RBBP4: variants seen among roughly 807,000 people sequenced by gnomAD.
RBBP4 encodes RB binding protein 4, chromatin remodeling factor.
A neutral mutation model predicts 57.2 loss-of-function variants in RBBP4; 3 were observed. The ratio of observed to expected loss-of-function variants is 0.05; its 90% CI spans 0.02 to 0.14. The LOEUF is 0.14. Ranked by LOEUF, RBBP4 falls within the 10% of genes least tolerant of loss-of-function variation. RBBP4 has a pLI of 1.00. For missense variants in RBBP4, 107 were observed against 520.6 expected (o/e 0.21, Z 7.73); for synonymous variants, 151 against 171.5 (o/e 0.88, Z 0.93).
At chr1:32,664,734 A>G (rs1004299736) in intron 3 of RBBP4, among the ~76,000 whole-genome samples, 1 of 152,026 alleles carries the variant, frequency 6.6e-6, no homozygotes, top group Non-Finnish European at 1.5e-5. Context: ...TACAGGTGTG[A>G]GCCACCGTGC....
chr1:32,680,180 C>A lies in RBBP4; in HGVS notation c.*475C>A. On this transcript the variant is annotated 3_prime_UTR_variant, in exon 12 of 12. Coordinates refer to ENST00000373493, the MANE Select transcript of RBBP4 (RefSeq NM_005610.3). Reference sequence around the variant, plus strand: ...TCGAAAATCTTGACACCTGACTTTCCAGGATGCACATTTTCATACGTAGAC... The same window carrying A: ...TCGAAAATCTTGACACCTGACTTTCAAGGATGCACATTTTCATACGTAGAC... The A allele has an allele frequency of 9.2e-7, 1 of 1,090,144 alleles. No individual in the cohort carries two copies. The highest frequency in any genetic ancestry group is 1.1e-6 in the Non-Finnish European group (1 of 897,782). The allele number at this position is 1,090,144 out of a possible 1,614,324, so 67.5% of individuals were successfully genotyped here. A position where few individuals can be genotyped will look rare whatever the true frequency, so the allele number is the denominator to read the frequency against.
At chr1:32,658,586 G>T (rs1306397624) in intron 3 of RBBP4, among the ~76,000 whole-genome samples, 2 of 143,250 alleles carry the variant, frequency 1.4e-5, no homozygotes, top group East Asian at 4.1e-4. Context: ...TCGCTCTGCT[G>T]CCCAGGCTGG....
intron 3 of RBBP4, among the ~76,000 whole-genome samples, chr1:32,658,174 A>G (rs1648226153): frequency 1.3e-5 from 2 of 152,074 alleles, no homozygotes; most frequent in African/African-American, 2.4e-5. Flanking sequence ...CATTCTTAAC[A>G]CGGGAGATAA....
chr1:32,661,228 A>C (rs922352425), intron 3 of RBBP4, among the ~76,000 whole-genome samples: 3 of 152,022 alleles, frequency 2.0e-5, no homozygotes, highest in African/African-American at 7.2e-5. Flanking sequence ...TTTTTTGTAG[A>C]ACAATTTCTT....
chr1:32,668,909 T>C lies in RBBP4; in HGVS notation c.600+55T>C. On this transcript the variant is annotated intron_variant, in intron 5 of 11. Transcript: ENST00000373493. ...CTGGGCTAGTTACCAGTTGGTTTCT[T>C]TTTTGGGGTGTGTGGGGAGGTGAGA... 1.2e-5 allele frequency: 19 copies of C among 1,612,724 alleles called. No homozygotes were observed. In the South Asian group the frequency reaches 1.9e-4, roughly 16 times the overall value.
intron 3 of RBBP4, among the ~76,000 whole-genome samples, chr1:32,666,428 G>A (rs1044860410): frequency 6.6e-6 from 1 of 151,468 alleles, no homozygotes; most frequent in Non-Finnish European, 1.5e-5. Flanking sequence ...GCACGATCTC[G>A]GCTCACTGCA....
At chr1:32,664,140 GC>G (rs1648547233) in intron 3 of RBBP4, among the ~76,000 whole-genome samples, 1 of 152,056 alleles carries the variant, frequency 6.6e-6, no homozygotes, top group Non-Finnish European at 1.5e-5. Context: ...GTGTTAGCCA[GC>G]ATAGTCTTGA....
Position 32,668,553 on chromosome 1 carries a change from A to G in RBBP4, c.484+155A>G, listed in dbSNP as rs359954. 3,231 of 964,406 alleles carry G rather than the reference A, an allele frequency of 3.4e-3. 52 individuals are homozygous for G. In the African/African-American group the frequency reaches 0.043, roughly 13 times the overall value. The allele number at this position is 964,406 out of a possible 1,614,324, so 59.7% of individuals were successfully genotyped here. A position where few individuals can be genotyped will look rare whatever the true frequency, so the allele number is the denominator to read the frequency against. ...TTTTCTTCATTTTGCCTCCATGAAA[A>G]AATAATGCTTTTTTACATAGAACAA... On this transcript the variant is annotated intron_variant, in intron 4 of 11. Transcript: ENST00000373493.
chr1:32,655,730 CT>C (rs1297609603), intron 2 of RBBP4, among the ~76,000 whole-genome samples: 1 of 152,154 alleles, frequency 6.6e-6, no homozygotes, highest in African/African-American at 2.4e-5. Context: ...ACTTTCTCTC[CT>C]GTTGTTCCTA....
chr1:32,658,042 AG>A (rs1195445798), intron 3 of RBBP4, among the ~76,000 whole-genome samples: 1 of 152,016 alleles, frequency 6.6e-6, no homozygotes, highest in Non-Finnish European at 1.5e-5. Flanking sequence ...TAGTGGAGAC[AG>A]GGTTTCACCA....
intron 11 of RBBP4, among the ~76,000 whole-genome samples, chr1:32,674,256 C>T (rs1045146516): frequency 6.6e-6 from 1 of 152,128 alleles, no homozygotes; most frequent in Non-Finnish European, 1.5e-5. Flanking sequence ...AGGTGGAAGA[C>T]AGTTTCTTGC....
At position 32,669,913 on chromosome 1, in the gene RBBP4, C is replaced by T. The variant is rs895977605; in HGVS notation, c.966+350C>T. Among the ~76,000 whole-genome samples, 2 of 152,098 alleles carry T rather than the reference C, an allele frequency of 1.3e-5. No homozygotes were observed. The highest frequency in any genetic ancestry group is 4.8e-5 in the African/African-American group (2 of 41,426). Reference sequence around the variant, plus strand: ...CTCAAAAAAAAAGAAAAAAGAAAAACCTGGATGTATGAGTGGGCACACATG... The same window carrying T: ...CTCAAAAAAAAAGAAAAAAGAAAAATCTGGATGTATGAGTGGGCACACATG... On this transcript the variant is annotated intron_variant, in intron 8 of 11. Transcript: ENST00000373493. The surrounding 1 kb of genome is among the most constrained non-coding windows in gnomAD (Gnocchi z 4.9).
At chr1:32,663,745 T>G (rs1232577638) in intron 3 of RBBP4, among the ~76,000 whole-genome samples, 3 of 150,208 alleles carry the variant, frequency 2.0e-5, no homozygotes, top group Non-Finnish European at 3.0e-5. Flanking sequence ...CCCAGCTAAT[T>G]TTCTGTATTT....
At chr1:32,675,111 A>G (rs1351701877) in intron 11 of RBBP4, among the ~76,000 whole-genome samples, 1 of 150,452 alleles carries the variant, frequency 6.6e-6, no homozygotes, top group African/African-American at 2.5e-5. Context: ...GCTCTCTGCA[A>G]CCTCCGCCTC....
In RBBP4 at chr1:32,669,257, C is replaced by G; in HGVS notation, c.788C>G (p.Ser263Cys). 6.2e-7 allele frequency: 1 copy of G among 1,612,746 alleles called. No individual in the cohort carries two copies. The highest frequency in any genetic ancestry group is 8.5e-7 in the Non-Finnish European group (1 of 1,179,946). Residue 263 changes from serine (S) to cysteine (C), a missense_variant, in exon 7 of 12, where the codon TCC becomes TGC. Around this residue, in one of 3 missense-constraint regions of RBBP4, gnomAD observed 92 missense variants for 408.5 expected, o/e 0.23. Transcript: ENST00000373493. The surrounding 1 kb of genome is among the most constrained non-coding windows in gnomAD (Gnocchi z 4.9). The part of the protein sequence containing the change: ...MIWDTRSNNT[S>C]KPSHSVDAHT... ...TGGGATACTCGTTCAAACAATACTT[C>G]CAAACCAAGCCACTCAGTTGATGCT... is the stretch of plus-strand genomic sequence containing the variant.
In RBBP4 at chr1:32,665,115, T is replaced by G. The variant is rs369596644; in HGVS notation, c.311-3110T>G. On this transcript the variant is annotated intron_variant, in intron 3 of 11. Coordinates refer to ENST00000373493, the MANE Select transcript of RBBP4 (RefSeq NM_005610.3). Reference sequence around the variant, plus strand: ...ATGTGTGACGCACAATAAAACGAGCTATGCCTGTACTTAGACTGAAGTTTC... The same window carrying G: ...ATGTGTGACGCACAATAAAACGAGCGATGCCTGTACTTAGACTGAAGTTTC... Among the ~76,000 whole-genome samples, 470 of 152,304 alleles carry G rather than the reference T, an allele frequency of 3.1e-3. 4 individuals are homozygous for G. The highest frequency in any genetic ancestry group is 0.011 in the African/African-American group (446 of 41,552).
chr1:32,658,001 C>T (rs937080619), intron 3 of RBBP4, among the ~76,000 whole-genome samples: 44 of 152,122 alleles, frequency 2.9e-4, no homozygotes, highest in African/African-American at 1.1e-3. Context: ...TACAGGCGCC[C>T]GCCACCACGC....
Position 32,680,347 on chromosome 1 carries a change from T to G in RBBP4, c.*642T>G, listed in dbSNP as rs11490888. 6,015 of 1,210,788 alleles carry G rather than the reference T, an allele frequency of 5.0e-3. 20 individuals carry two copies. Among genetic ancestry groups the G allele is most frequent in the Middle Eastern group, 0.017 (49 of 2,906 alleles). The allele number at this position is 1,210,788 out of a possible 1,614,324, so 75.0% of individuals were successfully genotyped here. On this transcript the variant is annotated 3_prime_UTR_variant, in exon 12 of 12. Transcript: ENST00000373493. ...CTGTCTGTGAAATGGTGTTTTTTTTTTTGTTGTTGGTTTTTTTTTTTTTTT... is the reference window on the plus strand; with the variant it reads ...CTGTCTGTGAAATGGTGTTTTTTTTGTTGTTGTTGGTTTTTTTTTTTTTTT...
chr1:32,653,023 A>T (rs1179219326), intron 2 of RBBP4, among the ~76,000 whole-genome samples: 1 of 152,156 alleles, frequency 6.6e-6, no homozygotes, highest in East Asian at 1.9e-4. Flanking sequence ...GCTTTCTTAT[A>T]AGGGGTTTGG....
Sources: gnomAD v4.1 joint callset for allele counts (sites outside exome capture counted in the v4.1 genomes callset) on GRCh38, gnomAD v4.1.1 for gene constraint, gnomAD v4.1.1 regional missense constraint, Gnocchi (gnomAD v3.1) non-coding constraint, MANE v1.5 for transcripts, NCBI Gene and HGNC (gene_info 2026-07-23, HGNC 2026-07-21) for gene names.